The following KDM4C variants were observed in gnomAD, a reference collection of about 807,000 sequenced individuals.
KDM4C encodes the protein lysine demethylase 4C, also known as lysine-specific demethylase 4C.
A neutral mutation model predicts 129.3 loss-of-function variants in KDM4C; 81 were observed. The ratio of observed to expected loss-of-function variants is 0.63; its 90% CI spans 0.52 to 0.75. KDM4C has a LOEUF of 0.75. KDM4C is among the 30% of genes least tolerant of loss of function. The probability of loss-of-function intolerance (pLI) is 0.00; values close to 1 mark genes in which losing one functional copy is unlikely to be tolerated. For synonymous variants in KDM4C, 573 were observed against 456.1 expected (o/e 1.26, Z -3.26); for missense variants, 1,457 against 1,304.0 (o/e 1.12, Z -1.81).
At chr9:6,804,695 G>T (rs1384945169) in intron 2 of KDM4C, among the ~76,000 whole-genome samples, 4 of 150,694 alleles carry the variant, frequency 2.7e-5, no homozygotes, top group Non-Finnish European at 5.9e-5. Context: ...GGAAGCGGAG[G>T]TTGCAGTGAG....
rs747747923 is a variant in KDM4C at position 6,981,040 on chromosome 9, C to G, written c.1037C>G (p.Thr346Arg). The change falls in exon 9 of 22, where the codon ACG becomes AGG. Residue 346 changes from threonine to arginine, a missense_variant. Transcript: ENST00000381309. ...AAGGATATATACACCATTGATCACA[C>G]GAAGCCTACTCCAGCATCCACCCCT... Reference protein sequence around the residue: ...QGKDIYTIDHTKPTPASTPEV... With the variant: ...QGKDIYTIDHRKPTPASTPEV... 1 of 1,613,792 alleles carries G rather than the reference C, an allele frequency of 6.2e-7. No homozygotes were observed. Among genetic ancestry groups the G allele is most frequent in the Non-Finnish European group, 8.5e-7 (1 of 1,179,820 alleles).
At chr9:6,761,897 C>G (rs903060989) in intron 1 of KDM4C, among the ~76,000 whole-genome samples, 1 of 152,012 alleles carries the variant, frequency 6.6e-6, no homozygotes, top group Non-Finnish European at 1.5e-5. Context: ...CTGCAACCTC[C>G]GACTCCCTGG....
intron 4 of KDM4C, among the ~76,000 whole-genome samples, chr9:6,845,422 C>T (rs1348728750): frequency 6.6e-6 from 1 of 151,928 alleles, no homozygotes; most frequent in African/African-American, 2.4e-5. Context: ...ACTGTGTTGC[C>T]CAGGGTGATC....
intron 19 of KDM4C, 42 bp downstream of exon 19, chr9:7,128,278 A>G (rs73403349): frequency 3.6e-6 from 4 of 1,123,402 alleles, no homozygotes; most frequent in Admixed American, 3.2e-5. Flanking sequence ...AGAGTAATTT[A>G]AAAAAAAAAA....
chr9:6,736,859 G>T (rs745813843), intron 1 of KDM4C, among the ~76,000 whole-genome samples: 1 of 151,558 alleles, frequency 6.6e-6, no homozygotes, highest in African/African-American at 2.4e-5. Context: ...AAGACCCGCC[G>T]GGCCACCATG....
chr9:6,804,277 T>A (rs1471943831), intron 2 of KDM4C, among the ~76,000 whole-genome samples: 1 of 152,206 alleles, frequency 6.6e-6, no homozygotes, highest in Non-Finnish European at 1.5e-5. Flanking sequence ...ATAGTGCACA[T>A]CTCTTCCCAG....
intron 18 of KDM4C, among the ~76,000 whole-genome samples, chr9:7,109,961 C>G (rs993834251): frequency 3.3e-5 from 5 of 152,150 alleles, no homozygotes; most frequent in African/African-American, 1.2e-4. Flanking sequence ...TCACTCAGCA[C>G]TCATTCTCTC....
At chr9:7,085,205 C>T (rs1156299412) in intron 17 of KDM4C, among the ~76,000 whole-genome samples, 7 of 152,220 alleles carry the variant, frequency 4.6e-5, no homozygotes, top group Non-Finnish European at 2.9e-5. Flanking sequence ...AGGAGGAGCA[C>T]ACTGGGCTTT....
intron 1 of KDM4C, among the ~76,000 whole-genome samples, chr9:6,734,112 A>G (rs1004271131): frequency 6.6e-6 from 1 of 152,042 alleles, no homozygotes; most frequent in African/African-American, 2.4e-5. Context: ...ACCAGCCCCT[A>G]TTCAAGATGG....
At chr9:6,938,082 C>T (rs542945344) in intron 8 of KDM4C, among the ~76,000 whole-genome samples, 2 of 152,208 alleles carry the variant, frequency 1.3e-5, no homozygotes, top group South Asian at 2.1e-4. Flanking sequence ...ACATATATCA[C>T]ATAAATGGGA....
chr9:6,802,621 G>T (rs1293392325), intron 2 of KDM4C, among the ~76,000 whole-genome samples: 1 of 151,818 alleles, frequency 6.6e-6, no homozygotes, highest in African/African-American at 2.4e-5. Context: ...TGTTACATTT[G>T]CTTATTTATT....
At chr9:6,895,372 C>T (rs943165958) in intron 8 of KDM4C, among the ~76,000 whole-genome samples, 45 of 152,192 alleles carry the variant, frequency 3.0e-4, no homozygotes, top group African/African-American at 1.0e-3. Flanking sequence ...ACTAAACGTT[C>T]ATATTTGTTG....
chr9:6,795,236 G>T (rs947322044), intron 2 of KDM4C, among the ~76,000 whole-genome samples: 1 of 152,184 alleles, frequency 6.6e-6, no homozygotes, highest in Non-Finnish European at 1.5e-5. Context: ...AACTCCTCCT[G>T]CAAATGGACC....
At chr9:6,899,680 A>G (rs1289883903) in intron 8 of KDM4C, among the ~76,000 whole-genome samples, 1 of 152,172 alleles carries the variant, frequency 6.6e-6, no homozygotes, top group East Asian at 1.9e-4. Flanking sequence ...CTCTTTTTAT[A>G]CTGAAAAAAT....
intron 8 of KDM4C, among the ~76,000 whole-genome samples, chr9:6,980,138 G>A (rs889116099): frequency 6.6e-6 from 1 of 152,156 alleles, no homozygotes; most frequent in African/African-American, 2.4e-5. Context: ...AAATCTTGGA[G>A]ATTATTTATG....
chr9:7,032,956 C>G (rs1296786559), intron 15 of KDM4C, among the ~76,000 whole-genome samples: 1 of 152,128 alleles, frequency 6.6e-6, no homozygotes, highest in African/African-American at 2.4e-5. Flanking sequence ...GCCTAGAGGA[C>G]CTTTCCCAGA....
chr9:6,930,683 A>G (rs1204435773), intron 8 of KDM4C, among the ~76,000 whole-genome samples: 1 of 69,148 alleles, frequency 1.4e-5, no homozygotes, highest in Non-Finnish European at 3.2e-5. Flanking sequence ...AATATATAAT[A>G]TATTAATTAT....
intron 7 of KDM4C, among the ~76,000 whole-genome samples, chr9:6,890,656 C>G (rs1431405934): frequency 6.6e-6 from 1 of 151,156 alleles, no homozygotes; most frequent in Non-Finnish European, 1.5e-5. Context: ...ATGGCATGAG[C>G]TGGATTTTCT....
intron 2 of KDM4C, among the ~76,000 whole-genome samples, chr9:6,801,625 CTCTCTCTCTCTCTCTG>C (rs1828995388): frequency 6.6e-6 from 1 of 151,788 alleles, no homozygotes; most frequent in East Asian, 1.9e-4. Flanking sequence ...TATGCTCTCT[CTCTCTCTCTCTCTCTG>C]TCTCTCTCTC....
Sources: allele counts gnomAD v4.1 joint callset (sites outside exome capture counted in the v4.1 genomes callset), GRCh38; gene constraint gnomAD v4.1.1; transcripts MANE v1.5; gene names NCBI Gene and HGNC (gene_info 2026-07-23, HGNC 2026-07-21).